Variants in NTM observed in about 807,000 individuals in gnomAD.
The protein encoded by NTM is IgLON family member 2.
Under a neutral mutation model 42.1 loss-of-function variants are expected in NTM, and 13 were observed. The ratio of observed to expected loss-of-function variants is 0.31; its 90% CI spans 0.20 to 0.49. The LOEUF (loss-of-function observed/expected upper bound fraction) is 0.49, where lower values mean the gene tolerates loss of function less well. Among genes scored for constraint, NTM ranks in the 20% least tolerant of loss-of-function variants. NTM has a pLI of 0.99. For synonymous variants in NTM, 187 were observed against 179.2 expected (o/e 1.04, Z -0.35); for missense variants, 373 against 452.8 (o/e 0.82, Z 1.60).
At chr11:131,864,515 C>A (rs2046946307) in intron 1 of NTM, among the ~76,000 whole-genome samples, 1 of 152,226 alleles carries the variant, frequency 6.6e-6, no homozygotes. Context: ...GGTCCCAGTG[C>A]AAGGCTCTGA....
At chr11:131,784,362 G>A (rs2088740740) in intron 1 of NTM, among the ~76,000 whole-genome samples, 1 of 152,182 alleles carries the variant, frequency 6.6e-6, no homozygotes, top group Admixed American at 6.5e-5. Context: ...TCATCAGAAA[G>A]TGAATAGATT....
At chr11:131,393,503 G>T (rs953899853) in intron 1 of NTM, among the ~76,000 whole-genome samples, 5 of 152,170 alleles carry the variant, frequency 3.3e-5, no homozygotes, top group African/African-American at 1.2e-4. Flanking sequence ...GGGAGATCAC[G>T]CCCATTCCAT....
At chr11:132,311,138 C>T (rs1020316814) in intron 6 of NTM, among the ~76,000 whole-genome samples, 1 of 152,168 alleles carries the variant, frequency 6.6e-6, no homozygotes, top group Non-Finnish European at 1.5e-5. Context: ...TGAGAAACTG[C>T]AGGCCAGGAG....
At chr11:131,966,658 C>T (rs1295163118) in intron 2 of NTM, among the ~76,000 whole-genome samples, 1 of 152,088 alleles carries the variant, frequency 6.6e-6, no homozygotes, top group Non-Finnish European at 1.5e-5. Flanking sequence ...GCAGGGGTGG[C>T]TGGGATGCAG....
At chr11:131,755,788 T>C (rs1010239753) in intron 1 of NTM, among the ~76,000 whole-genome samples, 2 of 152,246 alleles carry the variant, frequency 1.3e-5, no homozygotes, top group Admixed American at 6.5e-5. Flanking sequence ...AATCAGACCT[T>C]GATTCTAACT....
intron 2 of NTM, among the ~76,000 whole-genome samples, chr11:132,056,008 A>G (rs530183627): frequency 1.1e-3 from 170 of 152,290 alleles, no homozygotes; most frequent in Non-Finnish European, 2.1e-3. Context: ...CCTGAGGAGG[A>G]AGGCAGCTGT....
chr11:132,005,959 C>A lies in NTM; in HGVS notation c.167+94311C>A, dbSNP rs547810632. Among the ~76,000 whole-genome samples, 3 of 152,274 alleles carry A rather than the reference C, an allele frequency of 2.0e-5. No individual in the cohort carries two copies. The South Asian group carries it at 6.2e-4, about 32-fold the overall frequency. On this transcript the variant is annotated intron_variant, in intron 2 of 8. Transcript: ENST00000683400. ...AAGGTAAAGATTTTAACCACATTTG[C>A]GTGTTTCAATTATTAGTGTTTTCCC...
intron 2 of NTM, among the ~76,000 whole-genome samples, chr11:132,044,578 A>C (rs751625149): frequency 6.6e-6 from 1 of 152,130 alleles, no homozygotes; most frequent in South Asian, 2.1e-4. Flanking sequence ...GAGGTGGCCG[A>C]CAACTGAGGG....
chr11:131,669,606 G>A lies in NTM; in HGVS notation c.83-241958G>A, dbSNP rs377229724. On this transcript the variant is annotated intron_variant, in intron 1 of 8. Coordinates refer to ENST00000683400, the MANE Select transcript of NTM (RefSeq NM_001352005.2). ...GGGCAACGTCACTCAGCAATTCAGC[G>A]GTGGGGGCACCGAGGCTTCCGGCTC... Among the ~76,000 whole-genome samples, 6 of 152,240 alleles carry A rather than the reference G, an allele frequency of 3.9e-5. No individual in the cohort carries two copies. In the East Asian group the frequency reaches 7.7e-4, roughly 20 times the overall value.
chr11:132,318,147 G>A (rs955541541), intron 7 of NTM, among the ~76,000 whole-genome samples: 18 of 152,166 alleles, frequency 1.2e-4, no homozygotes, highest in Admixed American at 3.9e-4. Context: ...GAGGAGGATA[G>A]GCATGGCACT....
rs567869592 is a variant in NTM, at chr11:132,096,437, C to A, written c.168-49845C>A. On this transcript the variant is annotated intron_variant, in intron 2 of 8. Transcript: ENST00000683400. ...TAATTGGGTTGAAGGGATTTTAAAT[C>A]ATTAAAGTTGCATTTAGAATGGGGA... 2.6e-4 allele frequency among the ~76,000 whole-genome samples: 40 copies of A among 152,250 alleles called. No individual in the cohort carries two copies. The South Asian group carries it at 6.4e-3, about 25-fold the overall frequency.
chr11:131,658,178 C>G (rs1191640961), intron 1 of NTM, among the ~76,000 whole-genome samples: 1 of 152,188 alleles, frequency 6.6e-6, no homozygotes, highest in Admixed American at 6.5e-5. Flanking sequence ...TTCTTCCATT[C>G]TGTCCACCGT....
intron 1 of NTM, among the ~76,000 whole-genome samples, chr11:131,428,974 G>C (rs1190523774): frequency 1.3e-5 from 2 of 151,530 alleles, no homozygotes; most frequent in Non-Finnish European, 2.9e-5. Flanking sequence ...AGAATTGTTC[G>C]AACCCAGGAG....
chr11:132,057,777 C>T (rs1240444128), intron 2 of NTM, among the ~76,000 whole-genome samples: 1 of 152,198 alleles, frequency 6.6e-6, no homozygotes, highest in East Asian at 1.9e-4. Flanking sequence ...TTCTCAACAT[C>T]TTTCTTTCCC....
chr11:131,732,934 GATT>G (rs1226653401), intron 1 of NTM, among the ~76,000 whole-genome samples: 9 of 151,930 alleles, frequency 5.9e-5, no homozygotes, highest in Non-Finnish European at 8.8e-5. Context: ...TTATGTCAGT[GATT>G]ATTATTTATT....
rs1265268344 is a variant in NTM, at chr11:131,849,877, C to T, written c.83-61687C>T. On this transcript the variant is annotated intron_variant, in intron 1 of 8. Transcript: ENST00000683400. ...AGGAGATATACCTAATGCTAAATGA[C>T]GAGTTAATGGGTGCAGCACACCAAC... Among the ~76,000 whole-genome samples the T allele has an allele frequency of 2.7e-5, 4 of 150,832 alleles. No homozygotes were observed. In the South Asian group the frequency reaches 6.3e-4, roughly 24 times the overall value.
chr11:131,763,619 G>A (rs916584113), intron 1 of NTM, among the ~76,000 whole-genome samples: 7 of 150,608 alleles, frequency 4.6e-5, no homozygotes, highest in African/African-American at 1.5e-4. Flanking sequence ...AGAATGGGAA[G>A]CTGAAGAGCT....
At chr11:131,658,609 C>G (rs1428314994) in intron 1 of NTM, among the ~76,000 whole-genome samples, 1 of 152,220 alleles carries the variant, frequency 6.6e-6, no homozygotes, top group Admixed American at 6.5e-5. Context: ...TTAGAGGTTC[C>G]TGGTCTGCGG....
chr11:131,494,868 G>A (rs1288795276), intron 1 of NTM, among the ~76,000 whole-genome samples: 1 of 152,144 alleles, frequency 6.6e-6, no homozygotes, highest in Non-Finnish European at 1.5e-5. Flanking sequence ...GGTGGGTGGA[G>A]GCAGCTCTGG....
Sources: allele counts gnomAD v4.1 joint callset (sites outside exome capture counted in the v4.1 genomes callset), GRCh38; gene constraint gnomAD v4.1.1; transcripts MANE v1.5; gene names NCBI Gene and HGNC (gene_info 2026-07-23, HGNC 2026-07-21).